PTPRT: variants seen among roughly 807,000 people sequenced by gnomAD.
PTPRT encodes the protein protein tyrosine phosphatase receptor type T, also known as receptor-type tyrosine-protein phosphatase T.
A neutral mutation model predicts 176.8 loss-of-function variants in PTPRT; 56 were observed. That is an observed-to-expected ratio of 0.32 (90% CI 0.26 to 0.40). PTPRT has a LOEUF of 0.40. PTPRT is among the 10% of genes least tolerant of loss of function. The pLI, the probability that PTPRT is intolerant of heterozygous loss-of-function variation, is 1.00. For missense variants in PTPRT, 1,540 were observed against 1,908.2 expected (o/e 0.81, Z 3.60); for synonymous variants, 783 against 739.0 (o/e 1.06, Z -0.96).
chr20:42,202,693 C>T (rs927134785), intron 15 of PTPRT, among the ~76,000 whole-genome samples: 1 of 152,142 alleles, frequency 6.6e-6, no homozygotes. Flanking sequence ...GCTCACATTG[C>T]CCCAGCAGGA....
intron 23 of PTPRT, among the ~76,000 whole-genome samples, chr20:42,108,013 C>A (rs929551773): frequency 2.0e-5 from 3 of 151,928 alleles, no homozygotes; most frequent in African/African-American, 4.8e-5. Context: ...ACTCAAGAGA[C>A]TTGGCCTCTG....
At position 42,868,927 on chromosome 20, in the gene PTPRT, A is replaced by G. The variant is rs80157492; in HGVS notation, c.214+16880T>C. 4.6e-3 allele frequency among the ~76,000 whole-genome samples: 695 copies of G among 152,292 alleles called. 6 individuals carry two copies. Among genetic ancestry groups the G allele is most frequent in the African/African-American group, 0.016 (659 of 41,552 alleles). On this transcript the variant is annotated intron_variant, in intron 2 of 30. Coordinates refer to ENST00000373187, the MANE Select transcript of PTPRT (RefSeq NM_007050.6). ...TGGTGTAGTGCTCCTTAGATGCCCC[A>G]GATGTGACTCAAGTGAGCCCAAGTG... is the stretch of plus-strand genomic sequence containing the variant.
intron 9 of PTPRT, among the ~76,000 whole-genome samples, chr20:42,413,522 G>A (rs1568857975): frequency 2.0e-5 from 3 of 152,066 alleles, no homozygotes; most frequent in South Asian, 2.1e-4. Context: ...GAATATGGAC[G>A]CAAAAATTTT....
intron 1 of PTPRT, among the ~76,000 whole-genome samples, chr20:43,126,413 G>T (rs1197718917): frequency 6.6e-6 from 1 of 151,880 alleles, no homozygotes. Context: ...AATTTGGTAG[G>T]ACCTGTCCAA....
chr20:42,703,217 C>T lies in PTPRT; in HGVS notation c.860-25058G>A, dbSNP rs191507383. ...GAATGTGGAGAAAGGGAAAGAGAGA[C>T]ACAGAGAGAGAGAGAGAGACAGAGA... On this transcript the variant is annotated intron_variant, in intron 6 of 30. Transcript: ENST00000373187. Among the ~76,000 whole-genome samples, 877 of 151,636 alleles carry T rather than the reference C, an allele frequency of 5.8e-3. 3 individuals carry two copies. Among genetic ancestry groups the T allele is most frequent in the Non-Finnish European group, 8.7e-3 (594 of 67,994 alleles).
intron 1 of PTPRT, among the ~76,000 whole-genome samples, chr20:43,005,884 AC>A (rs1984831866): frequency 6.6e-6 from 1 of 152,222 alleles, no homozygotes; most frequent in Non-Finnish European, 1.5e-5. Context: ...GCTCGTTACA[AC>A]ATTCTTCTAA....
At chr20:42,738,303 G>A (rs2076566162) in intron 6 of PTPRT, among the ~76,000 whole-genome samples, 2 of 152,118 alleles carry the variant, frequency 1.3e-5, no homozygotes, top group Non-Finnish European at 2.9e-5. Flanking sequence ...CTTAAGGGCA[G>A]GAGTTTGAGA....
intron 8 of PTPRT, among the ~76,000 whole-genome samples, chr20:42,454,481 C>T (rs1392351492): frequency 6.6e-6 from 1 of 152,134 alleles, no homozygotes; most frequent in Non-Finnish European, 1.5e-5. Flanking sequence ...TCCTACTCCT[C>T]CGCATCTTTA....
chr20:42,439,891 C>G (rs772254926), intron 9 of PTPRT, among the ~76,000 whole-genome samples: 3 of 152,048 alleles, frequency 2.0e-5, no homozygotes, highest in Non-Finnish European at 4.4e-5. Context: ...TTCAAGCTCT[C>G]AAGGTAGGAT....
chr20:42,076,687 C>T lies in PTPRT; in HGVS notation c.*4192G>A, dbSNP rs955375368. ...GCTGAAGACCAGCTGACCTAGGGTC[C>T]GTCATAGCGGGGTGAACAGAACAGA... On this transcript the variant is annotated 3_prime_UTR_variant, in exon 31 of 31. Coordinates refer to ENST00000373187, the MANE Select transcript of PTPRT (RefSeq NM_007050.6). 5.1e-6 allele frequency: 1 copy of T among 197,574 alleles called. No homozygotes were observed. The highest frequency in any genetic ancestry group is 1.0e-5 in the Non-Finnish European group (1 of 96,754). 12.2% of individuals were successfully genotyped at this position (197,574 alleles called of 1,614,324 possible). A position where few individuals can be genotyped will look rare whatever the true frequency, so the allele number is the denominator to read the frequency against.
intron 17 of PTPRT, among the ~76,000 whole-genome samples, chr20:42,151,153 T>C (rs1989113647): frequency 1.3e-5 from 2 of 151,876 alleles, no homozygotes; most frequent in South Asian, 4.2e-4. Flanking sequence ...AATTTTACTT[T>C]AAGTAAGTTC....
intron 1 of PTPRT, among the ~76,000 whole-genome samples, chr20:43,005,677 G>A (rs887421388): frequency 2.6e-5 from 4 of 152,114 alleles, no homozygotes; most frequent in African/African-American, 9.7e-5. Context: ...GCTCTTCACC[G>A]AATCCCCAGC....
rs192664260 is a variant in PTPRT at position 43,044,245 on chromosome 20, G to A, written c.88+145401C>T. Among the ~76,000 whole-genome samples the A allele has an allele frequency of 1.4e-3, 219 of 152,234 alleles. 4 individuals are homozygous for A. The highest frequency in any genetic ancestry group is 8.1e-3 in the South Asian group (39 of 4,820). ...ATCCACAGGTGGGCAGGGGCTGGGA[G>A]AAGACAGAAGGCAAGTCTGACCAGA... On this transcript the variant is annotated intron_variant, in intron 1 of 30. Transcript: ENST00000373187.
the PTPRT span, among the ~76,000 whole-genome samples, chr20:42,038,941 C>T: frequency 7.9e-5 from 12 of 152,146 alleles, no homozygotes; most frequent in Non-Finnish European, 4.4e-5. Context: ...TCTGAATGTA[C>T]AAAAGTTCTT....
intron 9 of PTPRT, among the ~76,000 whole-genome samples, chr20:42,432,021 C>T (rs1333133571): frequency 6.6e-6 from 1 of 152,202 alleles, no homozygotes; most frequent in East Asian, 1.9e-4. Context: ...AGCATGGCTG[C>T]TGCTGGGAGT....
intron 8 of PTPRT, among the ~76,000 whole-genome samples, chr20:42,471,170 T>C (rs2071189562): frequency 6.6e-6 from 1 of 152,244 alleles, no homozygotes; most frequent in African/African-American, 2.4e-5. Context: ...TTTTTAATTC[T>C]TACATAATTC....
chr20:42,641,213 A>AT (rs1192575481), intron 7 of PTPRT, among the ~76,000 whole-genome samples: 1 of 152,138 alleles, frequency 6.6e-6, no homozygotes, highest in African/African-American at 2.4e-5. Context: ...AGCATGAGCC[A>AT]TTTTTAAGAC....
rs114556137 is a variant in PTPRT at position 42,672,600 on chromosome 20, A to C, written c.1153+5266T>G. ...CCCAACCCCACATCCCTCGATTCCT[A>C]TCTGATCATCTGTACAGTTTCTGGT... On this transcript the variant is annotated intron_variant, in intron 7 of 30. Coordinates refer to ENST00000373187, the MANE Select transcript of PTPRT (RefSeq NM_007050.6). Among the ~76,000 whole-genome samples, 616 of 152,130 alleles carry C rather than the reference A, an allele frequency of 4.0e-3. 7 individuals carry two copies. In the Middle Eastern group the frequency reaches 0.044, roughly 11 times the overall value.
chr20:42,477,484 T>C (rs1401084764), intron 7 of PTPRT, among the ~76,000 whole-genome samples: 2 of 152,220 alleles, frequency 1.3e-5, no homozygotes, highest in Admixed American at 6.5e-5. Flanking sequence ...ATGCTTTCAG[T>C]CCGACCCCTC....
Sources: gnomAD v4.1 joint callset for allele counts (sites outside exome capture counted in the v4.1 genomes callset) on GRCh38, gnomAD v4.1.1 for gene constraint, MANE v1.5 for transcripts, NCBI Gene and HGNC (gene_info 2026-07-23, HGNC 2026-07-21) for gene names.